The following STPG2 variants were observed in gnomAD, a reference collection of about 807,000 sequenced individuals.
The protein encoded by STPG2 is sperm tail PG-rich repeat containing 2.
Under a neutral mutation model 54.2 loss-of-function variants are expected in STPG2, and 56 were observed. The observed-to-expected ratio is 1.03, with a 90% confidence interval of 0.83 to 1.29. The LOEUF (loss-of-function observed/expected upper bound fraction) is 1.29, where lower values mean the gene tolerates loss of function less well. Among genes scored for constraint, STPG2 ranks in the 50% most tolerant of loss-of-function variants. The probability of loss-of-function intolerance (pLI) is 0.00; values close to 1 mark genes in which losing one functional copy is unlikely to be tolerated. For missense variants in STPG2, 596 were observed against 544.9 expected (o/e 1.09, Z -0.93); for synonymous variants, 200 against 181.8 (o/e 1.10, Z -0.81).
chr4:97,695,520 A>T (rs1301068783), intron 10 of STPG2, among the ~76,000 whole-genome samples: 1 of 152,142 alleles, frequency 6.6e-6, no homozygotes, highest in Non-Finnish European at 1.5e-5. Flanking sequence ...TAGGAAATTT[A>T]TTTCTTCATC....
At chr4:97,777,940 A>C (rs1385416679) in intron 9 of STPG2, among the ~76,000 whole-genome samples, 1 of 152,212 alleles carries the variant, frequency 6.6e-6, no homozygotes, top group Non-Finnish European at 1.5e-5. Flanking sequence ...GGGTGGTTCC[A>C]AGATGGCCGA....
chr4:98,099,629 GAT>G (rs1738966689), intron 5 of STPG2, among the ~76,000 whole-genome samples: 1 of 152,088 alleles, frequency 6.6e-6, no homozygotes, highest in South Asian at 2.1e-4. Flanking sequence ...AATACAATTT[GAT>G]TGTATAACTC....
chr4:97,689,183 G>A, intron 10 of STPG2, among the ~76,000 whole-genome samples: 2 of 152,138 alleles, frequency 1.3e-5, no homozygotes, highest in South Asian at 4.1e-4. Context: ...GGTTTTAAAA[G>A]AAATGATGTA....
intron 8 of STPG2, among the ~76,000 whole-genome samples, chr4:97,894,034 T>C (rs993758908): frequency 6.6e-6 from 1 of 152,002 alleles, no homozygotes; most frequent in African/African-American, 2.4e-5. Flanking sequence ...AGCTATTCAA[T>C]TATATAGAGT....
rs142717455 is a variant in STPG2, at chr4:97,694,222, A to T, written c.1320+18477T>A. 7.5e-4 allele frequency among the ~76,000 whole-genome samples: 111 copies of T among 147,210 alleles called. 1 individual carries two copies. Among genetic ancestry groups the T allele is most frequent in the Admixed American group, 1.4e-3 (20 of 14,724 alleles). Reference sequence around the variant, plus strand: ...CAAACAAAAAACAAAAGATAAATCAAACAAAAGGCCAGTTCTTTGAAAAGA... The same window carrying T: ...CAAACAAAAAACAAAAGATAAATCATACAAAAGGCCAGTTCTTTGAAAAGA... On this transcript the variant is annotated intron_variant, in intron 10 of 10. Coordinates refer to ENST00000295268, the MANE Select transcript of STPG2 (RefSeq NM_174952.3).
intron 8 of STPG2, among the ~76,000 whole-genome samples, chr4:97,899,571 A>G (rs1371252742): frequency 5.9e-5 from 9 of 152,072 alleles, no homozygotes; most frequent in Non-Finnish European, 1.2e-4. Flanking sequence ...AATTCAAATT[A>G]TATTACAGGG....
At chr4:98,104,541 C>T (rs935347788) in intron 5 of STPG2, among the ~76,000 whole-genome samples, 2 of 151,928 alleles carry the variant, frequency 1.3e-5, no homozygotes, top group South Asian at 2.1e-4. Context: ...TTAAGCAAAG[C>T]GTTTATTTTA....
At chr4:97,940,024 T>A (rs1022830309) in intron 8 of STPG2, among the ~76,000 whole-genome samples, 1 of 152,194 alleles carries the variant, frequency 6.6e-6, no homozygotes, top group Non-Finnish European at 1.5e-5. Flanking sequence ...AACATCTACC[T>A]ATCTGAAAAG....
Position 98,126,525 on chromosome 4 carries a change from G to A in STPG2, c.387+1903C>T, listed in dbSNP as rs1178838997. On this transcript the variant is annotated intron_variant, in intron 3 of 10. Coordinates refer to ENST00000295268, the MANE Select transcript of STPG2 (RefSeq NM_174952.3). The stretch of plus-strand genomic sequence containing the variant: ...TCCCCTTGCCCCATGCAGCTCCCAG[G>A]TGGGCCATCATCACCCCACTCTGCT... Among the ~76,000 whole-genome samples, 6 of 152,288 alleles carry A rather than the reference G, an allele frequency of 3.9e-5. No individual in the cohort carries two copies. In the South Asian group the frequency reaches 8.3e-4, roughly 21 times the overall value.
intron 5 of STPG2, among the ~76,000 whole-genome samples, chr4:98,056,208 A>C (rs1476506001): frequency 1.3e-5 from 2 of 152,130 alleles, no homozygotes; most frequent in Non-Finnish European, 2.9e-5. Flanking sequence ...CTAACACTGC[A>C]CAGAGAACTC....
At chr4:97,667,280 T>C (rs1722557799) in intron 10 of STPG2, among the ~76,000 whole-genome samples, 1 of 152,182 alleles carries the variant, frequency 6.6e-6, no homozygotes, top group Non-Finnish European at 1.5e-5. Flanking sequence ...ATAACTAAAA[T>C]ACTTCAACAA....
At chr4:97,997,448 C>T (rs1735277944) in intron 5 of STPG2, among the ~76,000 whole-genome samples, 1 of 152,032 alleles carries the variant, frequency 6.6e-6, no homozygotes, top group African/African-American at 2.4e-5. Context: ...TTTAAATGGC[C>T]AGATCTCACG....
chr4:97,675,420 C>T (rs181728736), intron 10 of STPG2, among the ~76,000 whole-genome samples: 231 of 152,136 alleles, frequency 1.5e-3, no homozygotes, highest in African/African-American at 5.4e-3. Context: ...TTTATGAAAG[C>T]CCTGGAAATC....
intron 5 of STPG2, among the ~76,000 whole-genome samples, chr4:98,034,065 C>T (rs1736688829): frequency 1.3e-5 from 2 of 152,094 alleles, no homozygotes; most frequent in Non-Finnish European, 2.9e-5. Context: ...CCTCTCACAC[C>T]ACTCCTATTC....
intron 10 of STPG2, among the ~76,000 whole-genome samples, chr4:97,597,426 G>C (rs1291397530): frequency 6.6e-6 from 1 of 152,016 alleles, no homozygotes; most frequent in African/African-American, 2.4e-5. Context: ...GCATCATCCT[G>C]ATACCAAAAC....
At chr4:97,581,341 T>A (rs943181327) in intron 10 of STPG2, among the ~76,000 whole-genome samples, 1 of 152,072 alleles carries the variant, frequency 6.6e-6, no homozygotes, top group Non-Finnish European at 1.5e-5. Flanking sequence ...CCCAGGCATA[T>A]CTCTGGAGTC....
chr4:97,724,333 A>C (rs564706619), intron 9 of STPG2, among the ~76,000 whole-genome samples: 1 of 152,288 alleles, frequency 6.6e-6, no homozygotes, highest in Non-Finnish European at 1.5e-5. Context: ...AGTAAAACTG[A>C]TATCTTGACT....
At chr4:97,676,444 CCAAA>C (rs575327433) in intron 10 of STPG2, among the ~76,000 whole-genome samples, 307 of 151,850 alleles carry the variant, frequency 2.0e-3, no homozygotes, top group African/African-American at 7.0e-3. Context: ...TAATTTTTGC[CCAAA>C]CAAATTGATT....
intron 3 of STPG2, among the ~76,000 whole-genome samples, chr4:98,114,268 G>C (rs1739444950): frequency 1.3e-5 from 2 of 152,038 alleles, no homozygotes; most frequent in African/African-American, 4.8e-5. Context: ...ATTTATGTTA[G>C]AGTTTATTTT....
Sources: allele counts gnomAD v4.1 joint callset (sites outside exome capture counted in the v4.1 genomes callset), GRCh38; gene constraint gnomAD v4.1.1; transcripts MANE v1.5; gene names NCBI Gene and HGNC (gene_info 2026-07-23, HGNC 2026-07-21).